NID2: variants seen among roughly 807,000 people sequenced by gnomAD.
The protein encoded by NID2 is nidogen-2.
In NID2, 83 loss-of-function variants were observed where a neutral mutation model predicts 145.4. That is an observed-to-expected ratio of 0.57 (90% confidence interval 0.48 to 0.69). The LOEUF (loss-of-function observed/expected upper bound fraction) is 0.69. Ranked by LOEUF, NID2 falls within the 30% of genes least tolerant of loss-of-function variation. NID2 has a pLI of 0.00. For missense variants in NID2, 1,807 were observed against 1,765.7 expected (o/e 1.02, Z -0.42); for synonymous variants, 739 against 701.3 (o/e 1.05, Z -0.85).
chr14:52,060,776 ATCAT>A (rs568007974), intron 2 of NID2, among the ~76,000 whole-genome samples: 190 of 152,284 alleles, frequency 1.2e-3, no homozygotes, highest in African/African-American at 4.3e-3. Flanking sequence ...TCTCATTTGC[ATCAT>A]TCATTCATTC....
At chr14:52,046,267 G>A (rs1249280984) in intron 5 of NID2, among the ~76,000 whole-genome samples, 1 of 144,496 alleles carries the variant, frequency 6.9e-6, no homozygotes, top group South Asian at 2.2e-4. Flanking sequence ...AGCTTGCAGT[G>A]AGCCGAGATC....
intron 5 of NID2, among the ~76,000 whole-genome samples, chr14:52,049,302 C>G (rs1228911215): frequency 6.6e-6 from 1 of 151,990 alleles, no homozygotes; most frequent in African/African-American, 2.4e-5. Flanking sequence ...TGAGACTTGT[C>G]CTAACTAGGA....
chr14:52,047,068 T>G (rs1032253887), intron 5 of NID2, among the ~76,000 whole-genome samples: 1 of 152,208 alleles, frequency 6.6e-6, no homozygotes, highest in Non-Finnish European at 1.5e-5. Flanking sequence ...CAACAAGTAT[T>G]TACTGAGCAT....
At chr14:52,027,883 C>G (rs1210524352) in intron 11 of NID2, among the ~76,000 whole-genome samples, 1 of 152,016 alleles carries the variant, frequency 6.6e-6, no homozygotes, top group Non-Finnish European at 1.5e-5. Context: ...GCCACCATGC[C>G]TGGCTAAAGA....
intron 18 of NID2, 78 bp from the exon 19 acceptor site, chr14:52,008,045 T>G (rs918430095): frequency 8.7e-7 from 1 of 1,151,962 alleles, no homozygotes; most frequent in African/African-American, 1.6e-5. Context: ...CCCCCAGTGA[T>G]CTCCATCTCC....
chr14:52,041,317 G>A (rs1037113198), intron 7 of NID2, among the ~76,000 whole-genome samples: 1 of 152,148 alleles, frequency 6.6e-6, no homozygotes, highest in African/African-American at 2.4e-5. Context: ...TTATCCAGGT[G>A]TGCCATTTTT....
rs1177175789 is a variant in NID2, at chr14:52,068,836, G to T, written c.159C>A (p.Asp53Glu). Residue 53 changes from aspartate (D) to glutamate (E), a missense_variant, in exon 1 of 22, where the codon GAC (aspartate) becomes GAA (glutamate). By Grantham distance (45) the Asp-to-Glu change is conservative (BLOSUM62 2). Coordinates refer to ENST00000216286, the MANE Select transcript of NID2 (RefSeq NM_007361.4). ...CCAGCTTCACCACGGCTGAGCTTTC[G>T]TCGTCGCCTTCCTGCAGGAGCTGGT... ...WGDQLLQEGDDESSAVVKLAN... is the reference protein window; with the variant it reads ...WGDQLLQEGDEESSAVVKLAN... 1 of 1,612,646 alleles carries T rather than the reference G, an allele frequency of 6.2e-7. No individual in the cohort carries two copies. Among genetic ancestry groups the T allele is most frequent in the Non-Finnish European group, 8.5e-7 (1 of 1,180,008 alleles).
In NID2 at chr14:52,028,851, C is replaced by G. The variant is rs954476074; in HGVS notation, c.2402-1G>C. The G allele has an allele frequency of 1.2e-6, 2 of 1,612,722 alleles. No homozygotes were observed. The highest frequency in any genetic ancestry group is 1.7e-5 in the Admixed American group (1 of 59,754). ...AAGCCAGTTGCACATTCATTTTCAT[C>G]TAAGAAGAAATGAGAAGAGAAAAAT... is the stretch of plus-strand genomic sequence containing the variant. On this transcript the variant is annotated splice_acceptor_variant, in intron 10 of 21. Coordinates refer to ENST00000216286, the MANE Select transcript of NID2 (RefSeq NM_007361.4). LOFTEE classifies it high-confidence loss of function.
chr14:52,022,689 G>T (rs1891444718), intron 12 of NID2, among the ~76,000 whole-genome samples: 1 of 152,218 alleles, frequency 6.6e-6, no homozygotes, highest in Non-Finnish European at 1.5e-5. Context: ...AGCTAGTAAA[G>T]AACCTGTTTG....
intron 2 of NID2, among the ~76,000 whole-genome samples, chr14:52,066,937 T>C (rs1051461570): frequency 6.6e-6 from 1 of 152,168 alleles, no homozygotes; most frequent in Non-Finnish European, 1.5e-5. Flanking sequence ...GCCTGGAATT[T>C]TTTACTTTCC....
At chr14:52,006,452 C>T (rs934321281) in intron 20 of NID2, 85 bp downstream of exon 20, 2 of 1,525,610 alleles carry the variant, frequency 1.3e-6, no homozygotes, top group African/African-American at 2.7e-5. Flanking sequence ...TGAGTCAAGT[C>T]AGGTACTGAC....
chr14:52,027,354 G>GAA lies in NID2; in HGVS notation c.2531-12_2531-11dup. On this transcript the variant is annotated splice_polypyrimidine_tract_variant and intron_variant, in intron 11 of 21. Coordinates refer to ENST00000216286, the MANE Select transcript of NID2 (RefSeq NM_007361.4). ...GCAGGTGGGGTGATCACTGAAAAGA[G>GAA]AAGAAGATAAGGGCATCCAGAGTTT... The GAA allele has an allele frequency of 4.6e-6, 7 of 1,528,152 alleles. No individual in the cohort carries two copies. Among genetic ancestry groups the GAA allele is most frequent in the Middle Eastern group, 1.7e-4 (1 of 5,734 alleles). 94.7% of individuals were successfully genotyped at this position (1,528,152 alleles called of 1,614,324 possible).
At chr14:52,023,784 A>G (rs1891483214) in intron 12 of NID2, among the ~76,000 whole-genome samples, 1 of 152,242 alleles carries the variant, frequency 6.6e-6, no homozygotes, top group African/African-American at 2.4e-5. Context: ...CTTGGATAAA[A>G]GCCTCCTGGC....
intron 12 of NID2, among the ~76,000 whole-genome samples, chr14:52,026,941 G>C (rs923774277): frequency 2.0e-5 from 3 of 152,208 alleles, no homozygotes; most frequent in Admixed American, 2.0e-4. Context: ...TGGCTCCAAG[G>C]AACCAAGGTT....
chr14:52,060,617 A>G (rs982765885), intron 2 of NID2, among the ~76,000 whole-genome samples: 1 of 152,244 alleles, frequency 6.6e-6, no homozygotes, highest in African/African-American at 2.4e-5. Flanking sequence ...TGAAATACGC[A>G]TTGGTAAAAC....
intron 9 of NID2, among the ~76,000 whole-genome samples, chr14:52,037,013 G>A (rs1892096827): frequency 2.6e-5 from 4 of 152,128 alleles, no homozygotes; most frequent in Non-Finnish European, 5.9e-5. Flanking sequence ...TTTTGCTGTT[G>A]CTTGTGCTTT....
At chr14:52,010,761 G>T (rs1465004926) in intron 18 of NID2, 115 bp downstream of exon 18, 3 of 989,266 alleles carry the variant, frequency 3.0e-6, no homozygotes, top group African/African-American at 3.2e-5. Context: ...TTTGTTACAT[G>T]AATGCATTTG....
At chr14:52,025,919 T>G (rs943660216) in intron 12 of NID2, among the ~76,000 whole-genome samples, 1 of 152,072 alleles carries the variant, frequency 6.6e-6, no homozygotes, top group Non-Finnish European at 1.5e-5. Context: ...ATCTATTTAG[T>G]GAAAGAAAAA....
intron 14 of NID2, 76 bp from the exon 15 acceptor site, chr14:52,015,351 G>A: frequency 1.4e-6 from 2 of 1,400,490 alleles, no homozygotes; most frequent in South Asian, 1.3e-5. Flanking sequence ...TGTAGCTCAA[G>A]ACCCCATGCC....
Sources: allele counts gnomAD v4.1 joint callset (sites outside exome capture counted in the v4.1 genomes callset), GRCh38; gene constraint gnomAD v4.1.1; transcripts MANE v1.5; gene names NCBI Gene and HGNC (gene_info 2026-07-23, HGNC 2026-07-21).